The following SLCO3A1 variants were observed in gnomAD, a reference collection of about 807,000 sequenced individuals.
SLCO3A1 encodes PGE1 transporter.
In SLCO3A1, 27 loss-of-function variants were observed where a neutral mutation model predicts 63.1. The observed-to-expected ratio is 0.43, with a 90% confidence interval of 0.32 to 0.59. SLCO3A1 has a LOEUF of 0.59. SLCO3A1 is among the 20% of genes least tolerant of loss of function. The pLI is 0.09. For missense variants in SLCO3A1, 773 were observed against 945.8 expected (o/e 0.82, Z 2.40); for synonymous variants, 473 against 409.9 (o/e 1.15, Z -1.86).
rs1326722741 is a variant in SLCO3A1 at position 91,886,468 on chromosome 15, C to G, written c.181-29525C>G. 6.6e-6 allele frequency among the ~76,000 whole-genome samples: 1 copy of G among 152,188 alleles called. No individual in the cohort carries two copies. Among genetic ancestry groups the G allele is most frequent in the Non-Finnish European group, 1.5e-5 (1 of 68,044 alleles). On this transcript the variant is annotated intron_variant, in intron 1 of 9. Coordinates refer to ENST00000318445, the MANE Select transcript of SLCO3A1 (RefSeq NM_013272.4). The surrounding 1 kb of genome is among the most constrained non-coding windows in gnomAD (Gnocchi z 4.9). ...GAGTTGTGTGAAGTCCTCAGCAGTG[C>G]TCCATGCCTAGAAGGCCCCAGTGAG...
At chr15:91,969,159 A>G (rs1332657503) in intron 2 of SLCO3A1, among the ~76,000 whole-genome samples, 2 of 152,224 alleles carry the variant, frequency 1.3e-5, no homozygotes, top group Non-Finnish European at 2.9e-5. Flanking sequence ...CTGGCACATA[A>G]AGGCAATTAG....
intron 9 of SLCO3A1, among the ~76,000 whole-genome samples, chr15:92,154,663 G>C (rs1273046485): frequency 6.6e-6 from 1 of 152,094 alleles, no homozygotes; most frequent in Admixed American, 6.5e-5. Flanking sequence ...CTCCCTTGTT[G>C]CTTTACCCAC....
intron 2 of SLCO3A1, among the ~76,000 whole-genome samples, chr15:92,060,032 A>G (rs1050387706): frequency 6.6e-6 from 1 of 152,166 alleles, no homozygotes; most frequent in Non-Finnish European, 1.5e-5. Flanking sequence ...CGCAACGGTA[A>G]GCATTTGTGT....
At chr15:91,934,207 C>T (rs1487227799) in intron 2 of SLCO3A1, among the ~76,000 whole-genome samples, 1 of 152,106 alleles carries the variant, frequency 6.6e-6, no homozygotes, top group Non-Finnish European at 1.5e-5. Flanking sequence ...GTCTGTACCC[C>T]CAGTGAGTGT....
At chr15:92,057,570 TC>T (rs1314086588) in intron 2 of SLCO3A1, among the ~76,000 whole-genome samples, 2 of 152,284 alleles carry the variant, frequency 1.3e-5, no homozygotes, top group Admixed American at 6.5e-5. Context: ...GAGGACACAG[TC>T]CCAGAGAGAT....
chr15:92,000,531 T>C (rs1172227861), intron 2 of SLCO3A1, among the ~76,000 whole-genome samples: 2 of 130,260 alleles, frequency 1.5e-5, no homozygotes, highest in Non-Finnish European at 3.3e-5. Context: ...TAAATGCTGT[T>C]GAATGCAGAA....
At chr15:91,906,923 T>A (rs1001330078) in intron 1 of SLCO3A1, among the ~76,000 whole-genome samples, 4 of 92,936 alleles carry the variant, frequency 4.3e-5, no homozygotes, top group African/African-American at 2.5e-4. Context: ...GCAATTAAAT[T>A]GAGTGTTTTT....
intron 2 of SLCO3A1, among the ~76,000 whole-genome samples, chr15:91,955,264 A>G (rs1416611225): frequency 6.6e-6 from 1 of 152,120 alleles, no homozygotes; most frequent in Non-Finnish European, 1.5e-5. Flanking sequence ...ATTTGAACCC[A>G]GGCCAACAGG....
chr15:91,980,304 G>C (rs1416850821), intron 2 of SLCO3A1, among the ~76,000 whole-genome samples: 1 of 151,966 alleles, frequency 6.6e-6, no homozygotes, highest in African/African-American at 2.4e-5. Context: ...ACTGTGCTGG[G>C]TGTAGAGGTA....
chr15:91,911,009 T>C (rs1898467867), intron 1 of SLCO3A1, among the ~76,000 whole-genome samples: 1 of 152,234 alleles, frequency 6.6e-6, no homozygotes, highest in Non-Finnish European at 1.5e-5. Context: ...ACCTTGCCCC[T>C]GGTTGGCACC....
intron 7 of SLCO3A1, among the ~76,000 whole-genome samples, chr15:92,130,608 A>G (rs1294685016): frequency 6.6e-6 from 1 of 152,026 alleles, no homozygotes; most frequent in Admixed American, 6.6e-5. Flanking sequence ...AACAACCACA[A>G]CCATAAAACT....
intron 2 of SLCO3A1, among the ~76,000 whole-genome samples, chr15:91,970,008 AGTGTTT>A (rs1900801004): frequency 5.3e-5 from 8 of 152,206 alleles, no homozygotes; most frequent in African/African-American, 1.9e-4. Flanking sequence ...AAGGAAGTGT[AGTGTTT>A]TTTCCCCTCA....
At position 91,900,410 on chromosome 15, in the gene SLCO3A1, A is replaced by C. The variant is rs983142628; in HGVS notation, c.181-15583A>C. On this transcript the variant is annotated intron_variant, in intron 1 of 9. Coordinates refer to ENST00000318445, the MANE Select transcript of SLCO3A1 (RefSeq NM_013272.4). The surrounding 1 kb of genome is among the most constrained non-coding windows in gnomAD (Gnocchi z 4.3). Reference sequence around the variant, plus strand: ...AGTGGTGTGATCTCAGCTCACTGCAACCTCCACTTCCTGGGTTCAAGCGAT... The same window carrying C: ...AGTGGTGTGATCTCAGCTCACTGCACCCTCCACTTCCTGGGTTCAAGCGAT... Among the ~76,000 whole-genome samples, 13 of 151,956 alleles carry C rather than the reference A, an allele frequency of 8.6e-5. No homozygotes were observed. Among genetic ancestry groups the C allele is most frequent in the African/African-American group, 3.1e-4 (13 of 41,356 alleles).
chr15:91,928,731 T>C (rs1899120208), intron 2 of SLCO3A1, among the ~76,000 whole-genome samples: 1 of 152,248 alleles, frequency 6.6e-6, no homozygotes, highest in African/African-American at 2.4e-5. Flanking sequence ...GGCCTAGTTC[T>C]GTGGGAATTT....
chr15:92,111,552 A>AGTT (rs1161164857), intron 4 of SLCO3A1, among the ~76,000 whole-genome samples: 1 of 152,088 alleles, frequency 6.6e-6, no homozygotes, highest in Non-Finnish European at 1.5e-5. Context: ...ATGTCACAGG[A>AGTT]GTTGTTTTTA....
chr15:92,151,908 G>A (rs1177399112), intron 9 of SLCO3A1, among the ~76,000 whole-genome samples: 3 of 152,164 alleles, frequency 2.0e-5, no homozygotes, highest in African/African-American at 7.2e-5. Flanking sequence ...TGTAAAAGTG[G>A]AAAATTGGCA....
At chr15:91,938,183 A>G (rs1034568275) in intron 2 of SLCO3A1, among the ~76,000 whole-genome samples, 2 of 152,232 alleles carry the variant, frequency 1.3e-5, no homozygotes, top group African/African-American at 4.8e-5. Flanking sequence ...TCTGAGCCTC[A>G]GTGTGCTCAT....
chr15:92,146,928 T>G (rs367874111), intron 7 of SLCO3A1, 56 bp from the exon 8 acceptor site: 2 of 1,511,382 alleles, frequency 1.3e-6, no homozygotes, highest in Non-Finnish European at 1.8e-6. Flanking sequence ...TGGATGGCTT[T>G]GCCTTTGGAA....
rs1567122173 is a variant in SLCO3A1, at chr15:92,104,454, A to AGAATACGAGAGACCCAAGCCCAGCAAC, written c.923_949dup (p.Glu308_Asn316dup). On this transcript the variant is annotated inframe_insertion, in exon 4 of 10. Transcript: ENST00000318445. ...GCGAGCAGGCCATGCTCTCCGAAAG[A>AGAATACGAGAGACCCAAGCCCAGCAAC]GAATACGAGAGACCCAAGCCCAGCA... The AGAATACGAGAGACCCAAGCCCAGCAAC allele has an allele frequency of 6.2e-7, 1 of 1,614,122 alleles. No homozygotes were observed.
Sources: allele counts gnomAD v4.1 joint callset (sites outside exome capture counted in the v4.1 genomes callset), GRCh38; gene constraint gnomAD v4.1.1; non-coding constraint Gnocchi (gnomAD v3.1); transcripts MANE v1.5; gene names NCBI Gene and HGNC (gene_info 2026-07-23, HGNC 2026-07-21).